MSH5: variants seen among roughly 807,000 people sequenced by gnomAD.
MSH5 encodes mutS homolog 5.
A neutral mutation model predicts 107.7 loss-of-function variants in MSH5; 78 were observed. The ratio of observed to expected loss-of-function variants is 0.72; its 90% CI spans 0.60 to 0.87. The LOEUF (loss-of-function observed/expected upper bound fraction) is 0.87, where lower values mean the gene tolerates loss of function less well. Among genes scored for constraint, MSH5 ranks in the 40% least tolerant of loss-of-function variants. The probability of loss-of-function intolerance (pLI) is 0.00; values close to 1 mark genes in which losing one functional copy is unlikely to be tolerated. For missense variants in MSH5, 889 were observed against 1,046.6 expected (o/e 0.85, Z 2.08); for synonymous variants, 326 against 399.5 (o/e 0.82, Z 2.19).
At chr6:31,751,226 G>C (rs1244477196) in intron 10 of MSH5, among the ~76,000 whole-genome samples, 1 of 152,148 alleles carries the variant, frequency 6.6e-6, no homozygotes. Flanking sequence ...TTGATCTCCT[G>C]ACCTCGTGAC....
chr6:31,761,102 A>G lies in MSH5; in HGVS notation c.1963-86A>G. ...TTGCAGTGCAGTAGGGAGGGCATGTATACAGCTTTATTCACAGGCCAACTG... is the reference window on the plus strand; with the variant it reads ...TTGCAGTGCAGTAGGGAGGGCATGTGTACAGCTTTATTCACAGGCCAACTG... On this transcript the variant is annotated intron_variant, in intron 20 of 24. Coordinates refer to ENST00000375750, the MANE Select transcript of MSH5 (RefSeq NM_172166.4). This position sits in a 1 kb window ranked among gnomAD's most constrained non-coding sequence, Gnocchi z 5.3. 1.5e-6 allele frequency: 2 copies of G among 1,327,084 alleles called. No homozygotes were observed. Among genetic ancestry groups the G allele is most frequent in the South Asian group, 2.5e-5 (2 of 79,220 alleles). The allele number at this position is 1,327,084 out of a possible 1,614,324, so 82.2% of individuals were successfully genotyped here.
intron 12 of MSH5, among the ~76,000 whole-genome samples, chr6:31,757,268 C>T (rs969631644): frequency 2.0e-5 from 3 of 152,144 alleles, no homozygotes; most frequent in Non-Finnish European, 4.4e-5. Flanking sequence ...CCTCAGCCTC[C>T]TGAGTGCCTG....
At chr6:31,745,079 G>A (rs1345357432) in intron 8 of MSH5, among the ~76,000 whole-genome samples, 158 bp from the exon 9 acceptor site, 1 of 140,848 alleles carries the variant, frequency 7.1e-6, no homozygotes, top group Non-Finnish European at 1.5e-5. Flanking sequence ...ACTCCAGCCT[G>A]GGCGACAGAG....
At chr6:31,746,332 G>C (rs565838166) in intron 9 of MSH5, 1 of 147,596 alleles carries the variant, frequency 6.8e-6, no homozygotes, top group East Asian at 2.1e-4. Flanking sequence ...CCTGACCTCA[G>C]GGGATCCACT....
At position 31,758,104 on chromosome 6, in the gene MSH5, C is replaced by G; in HGVS notation, c.1015-61C>G. The G allele has an allele frequency of 6.2e-7, 1 of 1,605,796 alleles. No individual in the cohort carries two copies. The highest frequency in any genetic ancestry group is 8.5e-7 in the Non-Finnish European group (1 of 1,174,930). On this transcript the variant is annotated intron_variant, in intron 12 of 24. Transcript: ENST00000375750. The surrounding 1 kb of genome is among the most constrained non-coding windows in gnomAD (Gnocchi z 5.1). The stretch of plus-strand genomic sequence containing the variant: ...GGTCTTTGTTCTTCTGAGTCTGTCC[C>G]TATCACCACCTCAACCCGAGCTGGA...
At chr6:31,741,336 TACACACACAC>T (rs9279401) in intron 3 of MSH5, 50 bp downstream of exon 3, 31,662 of 895,920 alleles carry the variant, frequency 0.035, 980 homozygotes, top group African/African-American at 0.059. Flanking sequence ...GCAGATGTGT[TACACACACAC>T]ACACACACAC....
At position 31,759,581 on chromosome 6, in the gene MSH5, G is replaced by A. The variant is rs1369352991; in HGVS notation, c.1495+69G>A. Reference sequence around the variant, plus strand: ...AAAAGCAGCAGCCAGGGGAAGGAGGGGAGTGGGCAACTTGGGGATGCTTCC... The same window carrying A: ...AAAAGCAGCAGCCAGGGGAAGGAGGAGAGTGGGCAACTTGGGGATGCTTCC... On this transcript the variant is annotated intron_variant, in intron 17 of 24. Coordinates refer to ENST00000375750, the MANE Select transcript of MSH5 (RefSeq NM_172166.4). The surrounding 1 kb of genome is among the most constrained non-coding windows in gnomAD (Gnocchi z 4.7). 1.3e-6 allele frequency: 2 copies of A among 1,520,180 alleles called. No homozygotes were observed. Among genetic ancestry groups the A allele is most frequent in the African/African-American group, 2.7e-5 (2 of 72,784 alleles). 94.2% of individuals were successfully genotyped at this position (1,520,180 alleles called of 1,614,324 possible). A position where few individuals can be genotyped will look rare whatever the true frequency, so the allele number is the denominator to read the frequency against.
chr6:31,742,197 TTTG>T (rs1808977774), intron 3 of MSH5, among the ~76,000 whole-genome samples: 1 of 152,198 alleles, frequency 6.6e-6, no homozygotes, highest in South Asian at 2.1e-4. Flanking sequence ...GGCTCCCTCT[TTTG>T]TTTTTATGAA....
chr6:31,745,748 CAGTA>C (rs1431459636), intron 9 of MSH5, among the ~76,000 whole-genome samples: 2 of 150,138 alleles, frequency 1.3e-5, no homozygotes, highest in Admixed American at 1.3e-4. Context: ...TTTCATATCT[CAGTA>C]AGTTGTGTCC....
Position 31,740,765 on chromosome 6 carries a change from A to C in MSH5, c.147+152A>C. 3.4e-6 allele frequency: 3 copies of C among 872,122 alleles called. No homozygotes were observed. The highest frequency in any genetic ancestry group is 4.9e-6 in the Non-Finnish European group (3 of 616,448). The allele number at this position is 872,122 out of a possible 1,614,324, so 54.0% of individuals were successfully genotyped here. A position where few individuals can be genotyped will look rare whatever the true frequency, so the allele number is the denominator to read the frequency against. ...CACCTGAGCTCAGGAGTTGGAGACC[A>C]GCCTGGGCAACATGGCGAAACCCCG... On this transcript the variant is annotated intron_variant, in intron 2 of 24. Transcript: ENST00000375750. This position sits in a 1 kb window ranked among gnomAD's most constrained non-coding sequence, Gnocchi z 4.4.
intron 10 of MSH5, among the ~76,000 whole-genome samples, chr6:31,749,648 A>G (rs930000789): frequency 6.6e-6 from 1 of 152,020 alleles, no homozygotes; most frequent in Non-Finnish European, 1.5e-5. Context: ...GTGCTCACAT[A>G]GTGCTTGTTT....
Position 31,760,658 on chromosome 6 carries a change from A to C in MSH5, c.1813-32A>C, listed in dbSNP as rs755135725. On this transcript the variant is annotated intron_variant, in intron 19 of 24. Transcript: ENST00000375750. This position sits in a 1 kb window ranked among gnomAD's most constrained non-coding sequence, Gnocchi z 5.6. ...CACTTTCACCTCAGCCCACGGCACC[A>C]GGCCCCAGGCCCTGTCTCCTTCCCT... 6.2e-7 allele frequency: 1 copy of C among 1,612,410 alleles called. No individual in the cohort carries two copies. The highest frequency in any genetic ancestry group is 1.7e-5 in the Admixed American group (1 of 60,020).
At chr6:31,752,092 C>CAA (rs1386525463) in intron 10 of MSH5, among the ~76,000 whole-genome samples, 1 of 151,802 alleles carries the variant, frequency 6.6e-6, no homozygotes, top group Non-Finnish European at 1.5e-5. Flanking sequence ...GAGCAAGACT[C>CAA]CATCTCAAAA....
Position 31,744,754 on chromosome 6 carries a change from A to G in MSH5, c.683+173A>G, listed in dbSNP as rs556419556. Among the ~76,000 whole-genome samples the G allele has an allele frequency of 1.3e-5, 2 of 152,230 alleles. 1 individual carries two copies. The highest frequency in any genetic ancestry group is 4.2e-4 in the South Asian group (2 of 4,818). ...GAAAGAGAGGAAGAAAAGCATAAAG[A>G]TACTAGCTTTCTTTTCTATAGGGAG... On this transcript the variant is annotated intron_variant, in intron 8 of 24. Coordinates refer to ENST00000375750, the MANE Select transcript of MSH5 (RefSeq NM_172166.4).
At chr6:31,753,693 G>C (rs1474806740) in intron 12 of MSH5, 64 bp downstream of exon 12, 10 of 1,455,100 alleles carry the variant, frequency 6.9e-6, no homozygotes, top group African/African-American at 1.4e-5. Flanking sequence ...ATTCCAGACT[G>C]TCTGTACCCT....
At position 31,761,550 on chromosome 6, in the gene MSH5, G is replaced by A. The variant is rs1810998552; in HGVS notation, c.2116G>A (p.Ala706Thr). Residue 706 changes from alanine (A) to threonine (T), a missense_variant, in exon 22 of 25, where the codon GCC becomes ACC. This residue lies in a region of MSH5 where 362 missense variants were observed against 456.2 expected (regional missense o/e 0.79). Coordinates refer to ENST00000375750, the MANE Select transcript of MSH5 (RefSeq NM_172166.4). This position sits in a 1 kb window ranked among gnomAD's most constrained non-coding sequence, Gnocchi z 5.3. The part of the protein sequence containing the change: ...RGPTCPHIFV[A>T]TNFLSLVQLQ... The stretch of plus-strand genomic sequence containing the variant: ...ACCCACATGCCCCCACATCTTTGTG[G>A]CCACCAACTTTCTGAGCCTTGTTCA... The A allele has an allele frequency of 6.2e-7, 1 of 1,613,934 alleles. No individual in the cohort carries two copies. Among genetic ancestry groups the A allele is most frequent in the Non-Finnish European group, 8.5e-7 (1 of 1,180,042 alleles).
At position 31,761,612 on chromosome 6, in the gene MSH5, T is replaced by G; in HGVS notation, c.2178T>G (p.Tyr726Ter). 6.2e-7 allele frequency: 1 copy of G among 1,614,090 alleles called. No individual in the cohort carries two copies. Among genetic ancestry groups the G allele is most frequent in the Non-Finnish European group, 8.5e-7 (1 of 1,180,012 alleles). ...TGCCACAAGGGCCCCTGGTGCAGTATTTGGTGAGGAGACCAATCTAGCTCC... is the reference window on the plus strand; with the variant it reads ...TGCCACAAGGGCCCCTGGTGCAGTAGTTGGTGAGGAGACCAATCTAGCTCC... ...QLLPQGPLVQYLTMETCEDGN... is the reference protein window; with the variant it reads ...QLLPQGPLVQ Residue 726 changes from tyrosine to a stop codon, truncating the protein, a stop_gained, in exon 22 of 25, where the codon TAT becomes TAG. Coordinates refer to ENST00000375750, the MANE Select transcript of MSH5 (RefSeq NM_172166.4). LOFTEE classifies it high-confidence loss of function. The surrounding 1 kb of genome is among the most constrained non-coding windows in gnomAD (Gnocchi z 5.3).
Position 31,744,194 on chromosome 6 carries a change from G to C in MSH5, c.542G>C (p.Arg181Pro), listed in dbSNP as rs373533126. The change falls in exon 7 of 25, where the codon CGA (arginine) becomes CCA (proline). Residue 181 changes from arginine (R) to proline (P), a missense_variant. By Grantham distance (103) the Arg-to-Pro change is moderately radical. This residue lies in a region of MSH5 where 518 missense variants were observed against 565.0 expected (regional missense o/e 0.92). Coordinates refer to ENST00000375750, the MANE Select transcript of MSH5 (RefSeq NM_172166.4). ...IIPFDCLLTVRALGGLLKFLG... is the reference protein window; with the variant it reads ...IIPFDCLLTVPALGGLLKFLG... ...CCACTGCTGATCCCCTCCCAGGTTC[G>C]AGCACTTGGAGGGCTGCTGAAGTTC... 1.9e-6 allele frequency: 3 copies of C among 1,611,232 alleles called. No individual in the cohort carries two copies. The highest frequency in any genetic ancestry group is 1.7e-6 in the Non-Finnish European group (2 of 1,178,662).
Position 31,762,575 on chromosome 6 carries a change from G to A in MSH5, c.*44G>A, listed in dbSNP as rs757074866. ...CCCCAGCCTCCTGAGACTCCGGTGG[G>A]CTGCCATGCCCTCTTTGTTTCCTTA... is the stretch of plus-strand genomic sequence containing the variant. On this transcript the variant is annotated 3_prime_UTR_variant, in exon 25 of 25. Transcript: ENST00000375750. The A allele has an allele frequency of 1.6e-6, 2 of 1,265,082 alleles. No individual in the cohort carries two copies. Among genetic ancestry groups the A allele is most frequent in the Admixed American group, 1.7e-5 (1 of 57,336 alleles). The allele number at this position is 1,265,082 out of a possible 1,614,324, so 78.4% of individuals were successfully genotyped here. A position where few individuals can be genotyped will look rare whatever the true frequency, so the allele number is the denominator to read the frequency against.
Sources: gnomAD v4.1 joint callset for allele counts (sites outside exome capture counted in the v4.1 genomes callset) on GRCh38, gnomAD v4.1.1 for gene constraint, gnomAD v4.1.1 regional missense constraint, Gnocchi (gnomAD v3.1) non-coding constraint, MANE v1.5 for transcripts, NCBI Gene and HGNC (gene_info 2026-07-23, HGNC 2026-07-21) for gene names.